Variants in BEGAIN observed in about 807,000 individuals in gnomAD.
BEGAIN encodes the protein brain-enriched guanylate kinase-associated protein.
Under a neutral mutation model 35.8 loss-of-function variants are expected in BEGAIN, and 19 were observed. The observed-to-expected ratio is 0.53, with a 90% CI of 0.37 to 0.78. The LOEUF (loss-of-function observed/expected upper bound fraction) is 0.78, where lower values mean the gene tolerates loss of function less well. Ranked by LOEUF, BEGAIN falls within the 30% of genes least tolerant of loss-of-function variation. The probability of loss-of-function intolerance (pLI) is 0.00; values close to 1 mark genes in which losing one functional copy is unlikely to be tolerated. For synonymous variants in BEGAIN, 462 were observed against 388.6 expected (o/e 1.19, Z -2.22); for missense variants, 795 against 853.6 (o/e 0.93, Z 0.85).
In BEGAIN at chr14:100,567,735, C is replaced by A. The variant is rs1315396377; in HGVS notation, c.71+176G>T. On this transcript the variant is annotated intron_variant, in intron 2 of 6. Coordinates refer to ENST00000554140, the MANE Select transcript of BEGAIN (RefSeq NM_001385089.1). This position sits in a 1 kb window ranked among gnomAD's most constrained non-coding sequence, Gnocchi z 5.1. ...AGGAGCCCCGCGCGAGGCTCCCCAG[C>A]GCCTCGCGGCGCGCACACACGCACC... Among the ~76,000 whole-genome samples the A allele has an allele frequency of 6.6e-6, 1 of 150,884 alleles. No individual in the cohort carries two copies. Among genetic ancestry groups the A allele is most frequent in the Admixed American group, 6.6e-5 (1 of 15,182 alleles).
At chr14:100,559,435 A>T (rs2034044858) in intron 2 of BEGAIN, among the ~76,000 whole-genome samples, 1 of 152,214 alleles carries the variant, frequency 6.6e-6, no homozygotes, top group African/African-American at 2.4e-5. Flanking sequence ...CATAGCCAGG[A>T]ACGAGCTCCT....
At chr14:100,565,556 A>C (rs1225978169) in intron 2 of BEGAIN, among the ~76,000 whole-genome samples, 1 of 152,158 alleles carries the variant, frequency 6.6e-6, no homozygotes, top group Non-Finnish European at 1.5e-5. Flanking sequence ...GGAGGGGGCC[A>C]GGACCAGCAC....
chr14:100,539,430 C>A (rs866241776), intron 6 of BEGAIN, 115 bp from the exon 7 acceptor site: 3 of 1,447,708 alleles, frequency 2.1e-6, no homozygotes, highest in Non-Finnish European at 2.7e-6. Context: ...GGCAGACAGA[C>A]GAACGGGGGC....
chr14:100,584,742 G>A (rs1288319006), intron 1 of BEGAIN, among the ~76,000 whole-genome samples: 1 of 152,158 alleles, frequency 6.6e-6, no homozygotes, highest in Non-Finnish European at 1.5e-5. Context: ...CCCTAGAGAG[G>A]AGACAGTGAG....
At chr14:100,566,103 C>A (rs534296468) in intron 2 of BEGAIN, among the ~76,000 whole-genome samples, 2 of 152,226 alleles carry the variant, frequency 1.3e-5, no homozygotes, top group African/African-American at 4.8e-5. Flanking sequence ...AGGGCAGGAC[C>A]CCTCCCCAGT....
Position 100,573,505 on chromosome 14 carries a change from C to T in BEGAIN, c.43-5566G>A, listed in dbSNP as rs2035135478. Among the ~76,000 whole-genome samples the T allele has an allele frequency of 6.6e-6, 1 of 152,134 alleles. No individual in the cohort carries two copies. The highest frequency in any genetic ancestry group is 2.4e-5 in the African/African-American group (1 of 41,426). On this transcript the variant is annotated intron_variant, in intron 1 of 6. Transcript: ENST00000554140. The surrounding 1 kb of genome is among the most constrained non-coding windows in gnomAD (Gnocchi z 4.2). ...GAGGGATGAATGGGGGCGTCTCTGG[C>T]ACACCACTGTGTGGAGAGGGGCAAG...
Position 100,537,837 on chromosome 14 carries a change from G to A in BEGAIN, c.*132C>T, listed in dbSNP as rs1301214667. 7.5e-7 allele frequency: 1 copy of A among 1,337,866 alleles called. No individual in the cohort carries two copies. The highest frequency in any genetic ancestry group is 9.9e-7 in the Non-Finnish European group (1 of 1,014,706). 82.9% of individuals were successfully genotyped at this position (1,337,866 alleles called of 1,614,324 possible). On this transcript the variant is annotated 3_prime_UTR_variant, in exon 7 of 7. Coordinates refer to ENST00000554140, the MANE Select transcript of BEGAIN (RefSeq NM_001385089.1). ...TACAGGGCTGGGGAGGAGAGGAGGTGCGGGGAGGAACAGACTCCTCGTTGT... is the reference window on the plus strand; with the variant it reads ...TACAGGGCTGGGGAGGAGAGGAGGTACGGGGAGGAACAGACTCCTCGTTGT...
intron 1 of BEGAIN, among the ~76,000 whole-genome samples, chr14:100,585,666 C>T (rs2035428917): frequency 6.6e-6 from 1 of 151,932 alleles, no homozygotes; most frequent in Admixed American, 6.6e-5. Context: ...GCTTAGGGCT[C>T]ATTTCCTCTC....
chr14:100,557,146 C>CAGA (rs2033818880), intron 2 of BEGAIN, among the ~76,000 whole-genome samples: 1 of 150,948 alleles, frequency 6.6e-6, no homozygotes, highest in African/African-American at 2.5e-5. Flanking sequence ...CTTCCAGCCA[C>CAGA]ACCCGAGTCA....
At chr14:100,546,715 T>A in intron 2 of BEGAIN, 53 bp from the exon 3 acceptor site, 1 of 1,494,312 alleles carries the variant, frequency 6.7e-7, no homozygotes, top group South Asian at 1.2e-5. Context: ...CGGGGGAAAC[T>A]AAGGCCCGCA....
At chr14:100,554,689 G>C (rs775783869) in intron 2 of BEGAIN, among the ~76,000 whole-genome samples, 4 of 151,928 alleles carry the variant, frequency 2.6e-5, no homozygotes, top group Non-Finnish European at 5.9e-5. Flanking sequence ...TGCAGTGCCA[G>C]GTCTCCTGTT....
At position 100,563,113 on chromosome 14, in the gene BEGAIN, A is replaced by G. The variant is rs958005592; in HGVS notation, c.71+4798T>C. Among the ~76,000 whole-genome samples, 11 of 152,364 alleles carry G rather than the reference A, an allele frequency of 7.2e-5. No homozygotes were observed. Among genetic ancestry groups the G allele is most frequent in the African/African-American group, 2.6e-4 (11 of 41,592 alleles). On this transcript the variant is annotated intron_variant, in intron 2 of 6. Coordinates refer to ENST00000554140, the MANE Select transcript of BEGAIN (RefSeq NM_001385089.1). The surrounding 1 kb of genome is among the most constrained non-coding windows in gnomAD (Gnocchi z 4.2). ...CTCCATCTGTCTCCATCCCTGGGAC[A>G]TCAGCCTGGCACTTCTGCAGAGTGT...
intron 1 of BEGAIN, among the ~76,000 whole-genome samples, chr14:100,581,677 G>A (rs1305818646): frequency 2.0e-5 from 3 of 152,242 alleles, no homozygotes; most frequent in African/African-American, 7.2e-5. Context: ...CACATGGCTT[G>A]GGCATGTCAG....
In BEGAIN at chr14:100,540,571, A is replaced by G. The variant is rs761822797; in HGVS notation, c.417T>C (p.Tyr139=). The G allele has an allele frequency of 5.0e-6, 8 of 1,603,600 alleles. No individual in the cohort carries two copies. The Middle Eastern group carries it at 8.3e-4, about 166-fold the overall frequency. Residue 139 remains tyrosine (Y), a synonymous_variant, in exon 6 of 7, where the codon TAT becomes TAC. Transcript: ENST00000554140. ...GGGCCGCTAGATTGCAGTCCTTCCT[A>G]TAGAGCTCCTAAAAGACAAGAGAAG... The part of the protein sequence containing the change: ...IDKLSEDNEL[Y]RKDCNLAAQL...
chr14:100,572,694 TCA>T (rs2139744199), intron 1 of BEGAIN, among the ~76,000 whole-genome samples: 1 of 152,226 alleles, frequency 6.6e-6, no homozygotes, highest in South Asian at 2.1e-4. Flanking sequence ...TCTCTGACCC[TCA>T]GTTACTCATC....
chr14:100,568,251 G>A lies in BEGAIN; in HGVS notation c.43-312C>T. The A allele has an allele frequency of 1.6e-6, 1 of 627,336 alleles. No individual in the cohort carries two copies. Among genetic ancestry groups the A allele is most frequent in the Non-Finnish European group, 2.3e-6 (1 of 441,878 alleles). The allele number at this position is 627,336 out of a possible 1,614,324, so 38.9% of individuals were successfully genotyped here. A position where few individuals can be genotyped will look rare whatever the true frequency, so the allele number is the denominator to read the frequency against. On this transcript the variant is annotated intron_variant, in intron 1 of 6. Transcript: ENST00000554140. This position sits in a 1 kb window ranked among gnomAD's most constrained non-coding sequence, Gnocchi z 7.5. ...CCAGGGGCGATCTCGGCCTCGCCCG[G>A]AGGAGGGGGACTCGGCCTGTCCCCG...
intron 6 of BEGAIN, 194 bp downstream of exon 6, chr14:100,540,302 C>T (rs950008394): frequency 2.7e-5 from 16 of 590,776 alleles, no homozygotes; most frequent in East Asian, 5.6e-5. Flanking sequence ...AGGGGCTGCC[C>T]GGCTGCGTGA....
At chr14:100,577,138 C>A (rs1566981919) in intron 1 of BEGAIN, among the ~76,000 whole-genome samples, 1 of 152,224 alleles carries the variant, frequency 6.6e-6, no homozygotes, top group Non-Finnish European at 1.5e-5. Context: ...AAATAGTCTG[C>A]CTGCCCCAAA....
intron 2 of BEGAIN, 150 bp from the exon 3 acceptor site, chr14:100,546,812 AC>A: frequency 1.8e-6 from 1 of 541,000 alleles, no homozygotes; most frequent in Non-Finnish European, 2.8e-6. Flanking sequence ...ACACACACAC[AC>A]TCACACACAC....
Sources: allele counts gnomAD v4.1 joint callset (sites outside exome capture counted in the v4.1 genomes callset), GRCh38; gene constraint gnomAD v4.1.1; non-coding constraint Gnocchi (gnomAD v3.1); transcripts MANE v1.5; gene names NCBI Gene and HGNC (gene_info 2026-07-23, HGNC 2026-07-21).